Variants in SPECC1L observed in about 807,000 individuals in gnomAD.
SPECC1L encodes the protein sperm antigen with calponin homology and coiled-coil domains 1 like.
In SPECC1L, 40 loss-of-function variants were observed where a neutral mutation model predicts 116.8. The ratio of observed to expected loss-of-function variants is 0.34; its 90% confidence interval spans 0.27 to 0.45. The LOEUF is 0.45. SPECC1L is among the 20% of genes least tolerant of loss of function. The probability of loss-of-function intolerance (pLI) is 1.00; values close to 1 mark genes in which losing one functional copy is unlikely to be tolerated. For synonymous variants in SPECC1L, 504 were observed against 500.6 expected, an observed-to-expected ratio of 1.01 and a Z score of -0.09; for missense variants, 1,110 against 1,373.6, an observed-to-expected ratio of 0.81 and a Z score of 3.03.
At chr22:24,272,666 C>CAAA (rs397955926) in intron 1 of SPECC1L, among the ~76,000 whole-genome samples, 2 of 77,050 alleles carry the variant, frequency 2.6e-5, no homozygotes, top group African/African-American at 8.2e-5. Context: ...GACTCTGTCT[C>CAAA]AAAAAAAAAA....
intron 14 of SPECC1L, among the ~76,000 whole-genome samples, chr22:24,408,383 G>T (rs1181495206): frequency 6.6e-6 from 1 of 152,266 alleles, no homozygotes; most frequent in African/African-American, 2.4e-5. Context: ...GGCGGGCCAG[G>T]CCTCTTGGGA....
At chr22:24,333,661 G>C (rs1343707855) in intron 8 of SPECC1L, among the ~76,000 whole-genome samples, 1 of 151,032 alleles carries the variant, frequency 6.6e-6, no homozygotes, top group Non-Finnish European at 1.5e-5. Flanking sequence ...TGATGTATTA[G>C]CTGGAGCCAG....
At chr22:24,401,707 TA>T (rs1451273799) in intron 14 of SPECC1L, among the ~76,000 whole-genome samples, 1 of 152,234 alleles carries the variant, frequency 6.6e-6, no homozygotes, top group African/African-American at 2.4e-5. Context: ...ATTTTAGATG[TA>T]CCACCCCATT....
At chr22:24,282,926 C>T (rs1696563894) in intron 2 of SPECC1L, among the ~76,000 whole-genome samples, 1 of 151,798 alleles carries the variant, frequency 6.6e-6, no homozygotes, top group African/African-American at 2.4e-5. Context: ...TACAGGTGTG[C>T]ACCACCATGC....
intron 3 of SPECC1L, among the ~76,000 whole-genome samples, chr22:24,310,975 G>T (rs1288267138): frequency 6.6e-6 from 1 of 152,044 alleles, no homozygotes; most frequent in Non-Finnish European, 1.5e-5. Flanking sequence ...ATTTATTTTT[G>T]CCCCCTTGGT....
At chr22:24,366,970 G>C (rs961744109) in intron 13 of SPECC1L, among the ~76,000 whole-genome samples, 2 of 152,198 alleles carry the variant, frequency 1.3e-5, no homozygotes, top group African/African-American at 4.8e-5. Context: ...GAGATGGGCA[G>C]ATCACTTGAG....
intron 14 of SPECC1L, among the ~76,000 whole-genome samples, chr22:24,392,711 A>G (rs1453578855): frequency 6.6e-6 from 1 of 152,220 alleles, no homozygotes; most frequent in African/African-American, 2.4e-5. Context: ...GGTTATCTAT[A>G]AACACCACCC....
chr22:24,325,465 T>TACAG (rs1333788738), intron 6 of SPECC1L, among the ~76,000 whole-genome samples: 1 of 152,210 alleles, frequency 6.6e-6, no homozygotes, highest in African/African-American at 2.4e-5. Flanking sequence ...ATCAAATCCC[T>TACAG]ACAGACACTT....
chr22:24,277,757 C>T (rs1435094127), intron 2 of SPECC1L, among the ~76,000 whole-genome samples: 1 of 152,184 alleles, frequency 6.6e-6, no homozygotes, highest in Non-Finnish European at 1.5e-5. Context: ...ATCAGTTGTT[C>T]ATGCTTTATT....
intron 8 of SPECC1L, among the ~76,000 whole-genome samples, chr22:24,331,816 C>A (rs1274386529): frequency 6.6e-6 from 1 of 152,148 alleles, no homozygotes; most frequent in Non-Finnish European, 1.5e-5. Context: ...TACTCTTCAC[C>A]ACCACATACT....
intron 4 of SPECC1L, among the ~76,000 whole-genome samples, chr22:24,314,028 C>T (rs1311164640): frequency 1.3e-5 from 2 of 151,978 alleles, no homozygotes; most frequent in Non-Finnish European, 2.9e-5. Context: ...TGAGCCACTA[C>T]ACCTGGCCAA....
intron 13 of SPECC1L, among the ~76,000 whole-genome samples, chr22:24,367,626 C>T (rs942080973): frequency 6.6e-6 from 1 of 152,156 alleles, no homozygotes; most frequent in Non-Finnish European, 1.5e-5. Context: ...GGCAGTCTAA[C>T]TGCACATAGA....
At chr22:24,385,923 A>G (rs1174128821) in intron 14 of SPECC1L, among the ~76,000 whole-genome samples, 1 of 152,224 alleles carries the variant, frequency 6.6e-6, no homozygotes, top group Non-Finnish European at 1.5e-5. Context: ...ACACTGCACC[A>G]GACAATAGTG....
intron 14 of SPECC1L, among the ~76,000 whole-genome samples, chr22:24,402,041 G>T (rs1029759760): frequency 4.6e-5 from 7 of 151,638 alleles, no homozygotes; most frequent in Non-Finnish European, 8.8e-5. Flanking sequence ...TACCATGTAA[G>T]TACCAACACC....
chr22:24,304,819 T>G (rs1481678317), intron 3 of SPECC1L, among the ~76,000 whole-genome samples: 3 of 152,222 alleles, frequency 2.0e-5, no homozygotes, highest in Non-Finnish European at 2.9e-5. Flanking sequence ...AGGTAAAATT[T>G]GATAACAAAT....
chr22:24,337,359 C>T (rs1298579933), intron 9 of SPECC1L, among the ~76,000 whole-genome samples: 2 of 152,032 alleles, frequency 1.3e-5, no homozygotes, highest in Non-Finnish European at 2.9e-5. Context: ...TGTAAGATTC[C>T]GTTTATATTA....
intron 10 of SPECC1L, among the ~76,000 whole-genome samples, chr22:24,343,037 AC>A (rs960845910): frequency 2.6e-5 from 4 of 151,834 alleles, no homozygotes; most frequent in African/African-American, 9.7e-5. Flanking sequence ...TACTAAAAAT[AC>A]AAAAAATTAG....
intron 14 of SPECC1L, among the ~76,000 whole-genome samples, chr22:24,390,047 G>A (rs188256461): frequency 1.6e-4 from 25 of 151,570 alleles, no homozygotes; most frequent in Admixed American, 1.5e-3. Flanking sequence ...GAATAGAGAC[G>A]CTTCCTTTTC....
intron 14 of SPECC1L, among the ~76,000 whole-genome samples, chr22:24,384,621 A>G (rs1267311362): frequency 6.6e-6 from 1 of 152,236 alleles, no homozygotes; most frequent in African/African-American, 2.4e-5. Flanking sequence ...GACTCTGAAT[A>G]AGTGAAGGGT....
Sources: gnomAD v4.1 joint callset for allele counts (sites outside exome capture counted in the v4.1 genomes callset) on GRCh38, gnomAD v4.1.1 for gene constraint, MANE v1.5 for transcripts, NCBI Gene and HGNC (gene_info 2026-07-23, HGNC 2026-07-21) for gene names.